HUWE1: variants seen among roughly 807,000 people sequenced by gnomAD.
HUWE1 encodes the protein HECT, UBA and WWE domain containing E3 ubiquitin protein ligase 1, also known as E3 ubiquitin-protein ligase HUWE1.
Under a neutral mutation model 299.4 loss-of-function variants are expected in HUWE1, and 18 were observed. The ratio of observed to expected loss-of-function variants is 0.06; its 90% CI spans 0.04 to 0.09. The LOEUF is 0.09. Among genes scored for constraint, HUWE1 ranks in the 10% least tolerant of loss-of-function variants. The probability of loss-of-function intolerance (pLI) is 1.00; values close to 1 mark genes in which losing one functional copy is unlikely to be tolerated. For missense variants in HUWE1, 1,832 were observed against 3,462.3 expected (o/e 0.53, Z 11.82); for synonymous variants, 1,317 against 1,286.1 (o/e 1.02, Z -0.51).
At chrX:53,565,547 G>A (rs1156889638) in intron 49 of HUWE1, among the ~76,000 whole-genome samples, 6 of 107,927 alleles carry the variant, frequency 5.6e-5, no homozygotes, top group Admixed American at 9.8e-5. Context: ...GCCACTTCTC[G>A]GATGTACTCA....
chrX:53,629,526 T>C lies in HUWE1; in HGVS notation c.953A>G (p.Lys318Arg). ...CTGTAAAATACTTACCATAAGCTGC[T>C]TATCCGTTATCTGAAGGACATCTAC... ...ELVDVLQITD[K>R]QLMEIKAASL... Residue 318 changes from lysine (K) to arginine (R), a missense_variant, in exon 13 of 84, where the codon AAG (lysine) becomes AGG (arginine). Lys to Arg is a conservative substitution (Grantham distance 26). Around this residue, in one of 15 missense-constraint regions of HUWE1, gnomAD observed 658 missense variants for 1,282.6 expected, o/e 0.51. Coordinates refer to ENST00000262854, the MANE Select transcript of HUWE1 (RefSeq NM_031407.7). The C allele has an allele frequency of 8.6e-7, 1 of 1,167,827 alleles. No individual in the cohort carries two copies. Among genetic ancestry groups the C allele is most frequent in the Non-Finnish European group, 1.2e-6 (1 of 855,844 alleles).
At chrX:53,652,708 A>C (rs192421144) in intron 4 of HUWE1, among the ~76,000 whole-genome samples, 10 of 112,370 alleles carry the variant, frequency 8.9e-5, no homozygotes, top group Admixed American at 2.8e-4. Context: ...TATGGCATTC[A>C]GTAAGAGAAA....
chrX:53,553,034 C>A, intron 61 of HUWE1, 141 bp from the exon 62 acceptor site: 1 of 642,042 alleles, frequency 1.6e-6, no homozygotes, highest in Admixed American at 2.7e-5. Flanking sequence ...CCCTCTCAAT[C>A]TCACTTTGAG....
At chrX:53,672,167 T>C (rs1311000450) in intron 3 of HUWE1, among the ~76,000 whole-genome samples, 1 of 110,468 alleles carries the variant, frequency 9.1e-6, no homozygotes, top group African/African-American at 3.3e-5. Flanking sequence ...TGGGGACAAC[T>C]GAGAAAATGT....
At chrX:53,647,882 T>C (rs1405900732) in intron 5 of HUWE1, among the ~76,000 whole-genome samples, 2 of 112,399 alleles carry the variant, frequency 1.8e-5, no homozygotes, top group African/African-American at 6.5e-5. Context: ...CCAGAATCCA[T>C]TTTATCAGAA....
At chrX:53,611,022 G>C (rs1391296116) in intron 23 of HUWE1, among the ~76,000 whole-genome samples, 1 of 110,017 alleles carries the variant, frequency 9.1e-6, no homozygotes, top group African/African-American at 3.3e-5. Flanking sequence ...CAAAAGACAG[G>C]TATTTAGAAC....
At chrX:53,601,772 G>A (rs2064864727) in intron 28 of HUWE1, among the ~76,000 whole-genome samples, 1 of 107,842 alleles carries the variant, frequency 9.3e-6, no homozygotes, top group African/African-American at 3.4e-5. Flanking sequence ...AGGTTCAAGC[G>A]ATTCTCCTGC....
chrX:53,569,649 A>T lies in HUWE1; in HGVS notation c.6491T>A (p.Leu2164Gln). 8.3e-7 allele frequency: 1 copy of T among 1,211,998 alleles called. No homozygotes were observed. The highest frequency in any genetic ancestry group is 1.1e-6 in the Non-Finnish European group (1 of 895,405). The change falls in exon 48 of 84, where the codon CTG (leucine) becomes CAG (glutamine). Residue 2164 changes from leucine to glutamine, a missense_variant. Coordinates refer to ENST00000262854, the MANE Select transcript of HUWE1 (RefSeq NM_031407.7). ...TTTCTCTGTACTCTCAGCCATAGCC[A>T]GTGCCCGTCCAAGGGCTGCTTTTAC... ...NEVKAALGRA[L>Q]AMAESTEKHA...
At chrX:53,602,472 T>C (rs1603024417) in intron 28 of HUWE1, 92 bp downstream of exon 28, 9 of 554,198 alleles carry the variant, frequency 1.6e-5, no homozygotes, top group South Asian at 8.0e-5. Context: ...CTATGGATGA[T>C]AGAACTAACT....
At chrX:53,629,433 C>T (rs992683661) in intron 13 of HUWE1, 83 bp downstream of exon 13, 22 of 624,045 alleles carry the variant, frequency 3.5e-5, no homozygotes, top group East Asian at 3.3e-4. Flanking sequence ...ATATCCCCTC[C>T]CCCCCCAAAA....
Position 53,595,319 on chromosome X carries a change from C to T in HUWE1, c.3248G>A (p.Arg1083Lys), listed in dbSNP as rs200477812. ...LCVGSPVRQRRSHHAASTTTA... is the reference protein window; with the variant it reads ...LCVGSPVRQRKSHHAASTTTA... Reference sequence around the variant, plus strand: ...AGTGGTGCTGGCAGCATGATGGCTCCTTCTCTGGCGGACAGGAGATCCCAC... The same window carrying T: ...AGTGGTGCTGGCAGCATGATGGCTCTTTCTCTGGCGGACAGGAGATCCCAC... Residue 1083 changes from arginine to lysine, a missense_variant, in exon 30 of 84, where the codon AGG (arginine) becomes AAG (lysine). By Grantham distance (26) the Arg-to-Lys change is conservative (BLOSUM62 2). Around this residue, in one of 15 missense-constraint regions of HUWE1, gnomAD observed 658 missense variants for 1,282.6 expected, o/e 0.51. Transcript: ENST00000262854. 8.3e-7 allele frequency: 1 copy of T among 1,208,884 alleles called. No individual in the cohort carries two copies. Among genetic ancestry groups the T allele is most frequent in the African/African-American group, 1.8e-5 (1 of 56,865 alleles).
intron 32 of HUWE1, among the ~76,000 whole-genome samples, chrX:53,592,941 C>T (rs1199805937): frequency 1.8e-5 from 2 of 111,446 alleles, no homozygotes; most frequent in Non-Finnish European, 3.8e-5. Flanking sequence ...TTAGTGTGTA[C>T]CACCCCCTCC....
intron 42 of HUWE1, among the ~76,000 whole-genome samples, chrX:53,582,791 C>T (rs782442969): frequency 1.8e-4 from 20 of 109,575 alleles, no homozygotes; most frequent in South Asian, 8.2e-4. Flanking sequence ...GACAGAGTCT[C>T]GCTCTGTCAC....
intron 29 of HUWE1, among the ~76,000 whole-genome samples, chrX:53,597,287 T>G (rs983879544): frequency 1.8e-5 from 2 of 108,321 alleles, no homozygotes; most frequent in Admixed American, 9.9e-5. Context: ...AAAGGGTATC[T>G]GCCTGAAAGG....
At chrX:53,625,755 T>G (rs1482117388) in intron 17 of HUWE1, 1 of 129,698 alleles carries the variant, frequency 7.7e-6, no homozygotes, top group East Asian at 2.6e-4. Context: ...TCTACCACTC[T>G]GAAAGACTGC....
At chrX:53,617,235 A>G (rs781783525) in intron 20 of HUWE1, 88 bp from the exon 21 acceptor site, 7 of 1,010,149 alleles carry the variant, frequency 6.9e-6, no homozygotes, top group Non-Finnish European at 9.7e-6. Context: ...CTGAGATAGA[A>G]GGAATTTTGA....
chrX:53,559,972 C>G (rs868931415), intron 56 of HUWE1, among the ~76,000 whole-genome samples: 1 of 112,492 alleles, frequency 8.9e-6, no homozygotes, highest in Non-Finnish European at 1.9e-5. Context: ...TAAATACATG[C>G]GCAGAACTAT....
chrX:53,580,877 G>C lies in HUWE1; in HGVS notation c.5670C>G (p.Asn1890Lys). 8.3e-7 allele frequency: 1 copy of C among 1,211,813 alleles called. No individual in the cohort carries two copies. The highest frequency in any genetic ancestry group is 1.1e-6 in the Non-Finnish European group (1 of 895,517). ...RNPDIFTEVANCCIRIALPAP... is the reference protein window; with the variant it reads ...RNPDIFTEVAKCCIRIALPAP... ...CAGGAAGGGCGATGCGGATACAGCAGTTGGCCACTTCTGTGAATATGTCTG... is the reference window on the plus strand; with the variant it reads ...CAGGAAGGGCGATGCGGATACAGCACTTGGCCACTTCTGTGAATATGTCTG... Residue 1890 changes from asparagine to lysine, a missense_variant, in exon 43 of 84, where the codon AAC (asparagine) becomes AAG (lysine). Around this residue, in one of 15 missense-constraint regions of HUWE1, gnomAD observed 47 missense variants for 45.8 expected, o/e 1.03. Transcript: ENST00000262854.
chrX:53,542,845 T>TG (rs2061399554), intron 73 of HUWE1: 3 of 164,035 alleles, frequency 1.8e-5, no homozygotes, highest in South Asian at 1.6e-4. Context: ...TCTTCTTCTG[T>TG]TGTGTGTGTG....
Sources: gnomAD v4.1 joint callset for allele counts (sites outside exome capture counted in the v4.1 genomes callset) on GRCh38, gnomAD v4.1.1 for gene constraint, gnomAD v4.1.1 regional missense constraint, MANE v1.5 for transcripts, NCBI Gene and HGNC (gene_info 2026-07-23, HGNC 2026-07-21) for gene names.